ANKRD26: variants seen among roughly 807,000 people sequenced by gnomAD.
ANKRD26 encodes ankyrin repeat domain 26.
ANKRD26 carries 141 observed loss-of-function variants against 208.7 expected under a neutral mutation model. That is an observed-to-expected ratio of 0.68 (90% CI 0.59 to 0.78). The LOEUF (loss-of-function observed/expected upper bound fraction) is 0.78, where lower values mean the gene tolerates loss of function less well. ANKRD26 is among the 30% of genes least tolerant of loss of function. The probability of loss-of-function intolerance (pLI) is 0.00; values close to 1 mark genes in which losing one functional copy is unlikely to be tolerated. For synonymous variants in ANKRD26, 636 were observed against 660.4 expected (o/e 0.96, Z 0.57); for missense variants, 1,889 against 1,938.7 (o/e 0.97, Z 0.48).
At chr10:27,065,347 T>C (rs1052335756) in intron 11 of ANKRD26, among the ~76,000 whole-genome samples, 6 of 152,174 alleles carry the variant, frequency 3.9e-5, no homozygotes, top group Non-Finnish European at 5.9e-5. Flanking sequence ...TGGTACTCAA[T>C]AAACAGAAAT....
intron 16 of ANKRD26, chr10:27,051,171 AC>A: frequency 7.8e-7 from 1 of 1,289,994 alleles, no homozygotes; most frequent in Non-Finnish European, 1.0e-6. Context: ...TTTTAGAGAT[AC>A]TTTTGATGTT....
chr10:27,093,268 C>G (rs2056357579), intron 3 of ANKRD26, 81 bp downstream of exon 3: 6 of 1,364,458 alleles, frequency 4.4e-6, no homozygotes, highest in Non-Finnish European at 6.1e-6. Context: ...CTTCCAAATA[C>G]AGAAAACTAA....
Position 27,046,393 on chromosome 10 carries a change from C to G in ANKRD26, c.1945G>C (p.Asp649His). ...TCTATTTCACTTAAACTGCTGTCAT[C>G]ATCCACTTGTAGCAGGCCACCAGTT... ...LLTGGLLQVD[D>H]DSSLSEIDED... is the part of the protein sequence containing the mutation. The change falls in exon 18 of 34, where the codon GAT (aspartate) becomes CAT (histidine). Residue 649 changes from aspartate (D) to histidine (H), a missense_variant. By Grantham distance (81) the Asp-to-His change is moderately conservative. Coordinates refer to ENST00000376087, the MANE Select transcript of ANKRD26 (RefSeq NM_014915.3). The G allele has an allele frequency of 1.9e-6, 3 of 1,614,118 alleles. No homozygotes were observed. The South Asian group carries it at 3.3e-5, about 18-fold the overall frequency.
intron 6 of ANKRD26, among the ~76,000 whole-genome samples, chr10:27,082,217 A>C (rs1199526928): frequency 6.6e-6 from 1 of 152,210 alleles, no homozygotes; most frequent in Non-Finnish European, 1.5e-5. Context: ...AAATATAATT[A>C]ACACAATATG....
chr10:27,063,214 T>TGG (rs1051429638), intron 12 of ANKRD26, among the ~76,000 whole-genome samples: 1 of 152,200 alleles, frequency 6.6e-6, no homozygotes, highest in African/African-American at 2.4e-5. Context: ...GGGTAAATTT[T>TGG]GCTCTATTTC....
At position 27,100,484 on chromosome 10, in the gene ANKRD26, C is replaced by A. The variant is rs1443566100; in HGVS notation, c.-158G>T. The stretch of plus-strand genomic sequence containing the variant: ...CCTCCGGGTTACCAAGCAAGCGATC[C>A]CGCTAGACACAAGTGCGCATGCGCA... On this transcript the variant is annotated 5_prime_UTR_variant, in exon 1 of 34. Coordinates refer to ENST00000376087, the MANE Select transcript of ANKRD26 (RefSeq NM_014915.3). 3.5e-6 allele frequency: 4 copies of A among 1,140,634 alleles called. No homozygotes were observed. The highest frequency in any genetic ancestry group is 2.5e-5 in the East Asian group (1 of 39,372). 70.7% of individuals were successfully genotyped at this position (1,140,634 alleles called of 1,614,324 possible).
At chr10:26,953,767 C>T in the ANKRD26 span, among the ~76,000 whole-genome samples, 3 of 152,294 alleles carry the variant, frequency 2.0e-5, no homozygotes, top group East Asian at 3.9e-4. Context: ...TAGTCTATGA[C>T]TTATTAGCTT....
rs941390506 is a variant in ANKRD26, at chr10:27,026,991, G to A, written c.3972+1861C>T. 4.4e-4 allele frequency among the ~76,000 whole-genome samples: 67 copies of A among 152,044 alleles called. 1 individual carries two copies. The highest frequency in any genetic ancestry group is 4.1e-3 in the Admixed American group (63 of 15,264). On this transcript the variant is annotated intron_variant, in intron 27 of 33. Coordinates refer to ENST00000376087, the MANE Select transcript of ANKRD26 (RefSeq NM_014915.3). ...AGTAGAGACAGGGTTTTGCCATGTTGGCCAGGCTGGTCTCAAACTCCTAAC... is the reference window on the plus strand; with the variant it reads ...AGTAGAGACAGGGTTTTGCCATGTTAGCCAGGCTGGTCTCAAACTCCTAAC...
intron 11 of ANKRD26, among the ~76,000 whole-genome samples, chr10:27,065,438 T>C (rs1264430412): frequency 1.3e-5 from 2 of 152,254 alleles, no homozygotes; most frequent in Admixed American, 1.3e-4. Context: ...ATATCTCCAG[T>C]AACTGTCTAC....
chr10:27,001,327 T>G (rs529464680), downstream of ANKRD26, among the ~76,000 whole-genome samples: 4 of 152,088 alleles, frequency 2.6e-5, no homozygotes, highest in Non-Finnish European at 4.4e-5. Flanking sequence ...CTGAGGTTCA[T>G]TGTCTCATGC....
At chr10:26,980,926 G>A (rs1295731543) in intron 4 of ANKRD26, among the ~76,000 whole-genome samples, 1 of 152,182 alleles carries the variant, frequency 6.6e-6, no homozygotes, top group Non-Finnish European at 1.5e-5. Context: ...TTATCAGTTA[G>A]TATCTCTAAG....
At chr10:27,051,314 G>C in intron 16 of ANKRD26, 1 of 1,283,872 alleles carries the variant, frequency 7.8e-7, no homozygotes, top group Non-Finnish European at 1.0e-6. Flanking sequence ...TCTTGTAAGC[G>C]TCTGTACCAG....
chr10:27,008,000 G>T lies in ANKRD26; in HGVS notation c.4954-1038C>A, dbSNP rs972988584. Among the ~76,000 whole-genome samples the T allele has an allele frequency of 2.2e-4, 33 of 151,978 alleles. 1 individual carries two copies. Among genetic ancestry groups the T allele is most frequent in the Admixed American group, 3.3e-4 (5 of 15,274 alleles). ...CTCTTTAATTGTAATTTTGATTTCA[G>T]AAATTAGTACCAATTTTTTAAATAT... On this transcript the variant is annotated intron_variant, in intron 32 of 33. Coordinates refer to ENST00000376087, the MANE Select transcript of ANKRD26 (RefSeq NM_014915.3).
chr10:27,076,804 T>C (rs941614624), intron 9 of ANKRD26, among the ~76,000 whole-genome samples: 4 of 151,638 alleles, frequency 2.6e-5, no homozygotes, highest in African/African-American at 7.3e-5. Flanking sequence ...TAGGAAAAAA[T>C]AGAAATCCTG....
intron 9 of ANKRD26, among the ~76,000 whole-genome samples, chr10:27,072,747 C>T (rs2055550450): frequency 6.6e-6 from 1 of 152,240 alleles, no homozygotes; most frequent in Non-Finnish European, 1.5e-5. Flanking sequence ...TTCAGTTAAT[C>T]ACCACTGCCT....
intron 4 of ANKRD26, among the ~76,000 whole-genome samples, chr10:26,980,896 A>AG (rs199549181): frequency 0.015 from 2,355 of 152,240 alleles, 25 homozygotes; most frequent in Non-Finnish European, 0.023. Flanking sequence ...TTTCTTTAAG[A>AG]GAGATAAAGC....
Position 27,093,806 on chromosome 10 carries a change from G to C in ANKRD26, c.243-7C>G, listed in dbSNP as rs778980302. The C allele has an allele frequency of 9.4e-6, 15 of 1,600,618 alleles. No homozygotes were observed. The South Asian group carries it at 1.5e-4, about 16-fold the overall frequency. On this transcript the variant is annotated splice_region_variant and splice_polypyrimidine_tract_variant and intron_variant, in intron 1 of 33. Coordinates refer to ENST00000376087, the MANE Select transcript of ANKRD26 (RefSeq NM_014915.3). ...GGCCAAATGTAGAGCCGTCCTATGA[G>C]AGTGACAGGACTTTTTATAAACTGT...
the ANKRD26 span, among the ~76,000 whole-genome samples, chr10:26,948,855 C>T: frequency 2.0e-5 from 3 of 152,136 alleles, no homozygotes; most frequent in South Asian, 2.1e-4. Context: ...ATTAGCTGGG[C>T]GTGGTGGTGG....
the ANKRD26 span, among the ~76,000 whole-genome samples, chr10:26,960,373 A>G: frequency 6.6e-6 from 1 of 152,290 alleles, no homozygotes; most frequent in East Asian, 1.9e-4. Flanking sequence ...GACTCCATGA[A>G]AAATAGACGG....
Sources: allele counts gnomAD v4.1 joint callset (sites outside exome capture counted in the v4.1 genomes callset), GRCh38; gene constraint gnomAD v4.1.1; transcripts MANE v1.5; gene names NCBI Gene and HGNC (gene_info 2026-07-23, HGNC 2026-07-21).